ZBTB44: variants seen among roughly 807,000 people sequenced by gnomAD.
The protein encoded by ZBTB44 is zinc finger and BTB domain-containing protein 44.
Under a neutral mutation model 54.0 loss-of-function variants are expected in ZBTB44, and 15 were observed. The ratio of observed to expected loss-of-function variants is 0.28; its 90% CI spans 0.19 to 0.43. The LOEUF is 0.43. Ranked by LOEUF, ZBTB44 falls within the 20% of genes least tolerant of loss-of-function variation. The pLI is 1.00. For missense variants in ZBTB44, 487 were observed against 707.1 expected (o/e 0.69, Z 3.53); for synonymous variants, 230 against 250.1 (o/e 0.92, Z 0.76).
chr11:130,310,850 C>T (rs547128959), intron 1 of ZBTB44, among the ~76,000 whole-genome samples: 29 of 152,286 alleles, frequency 1.9e-4, no homozygotes, highest in African/African-American at 6.3e-4. Context: ...AATTCTCCTG[C>T]CTCAGCTTCC....
Position 130,227,098 on chromosome 11 carries a change from A to C in ZBTB44, c.*4666T>G, listed in dbSNP as rs1327801104. On this transcript the variant is annotated 3_prime_UTR_variant, in exon 8 of 8. Transcript: ENST00000357899. ...GTTGAAACGGCACTTAGTTTACAAA[A>C]AAGGTCACAAAAATATATATATATA... is the stretch of plus-strand genomic sequence containing the variant. 6.6e-6 allele frequency: 1 copy of C among 152,084 alleles called. No homozygotes were observed. The highest frequency in any genetic ancestry group is 2.4e-5 in the African/African-American group (1 of 41,338). The allele number at this position is 152,084 out of a possible 1,614,324, so 9.4% of individuals were successfully genotyped here.
chr11:130,255,923 A>C (rs976147621), intron 2 of ZBTB44, among the ~76,000 whole-genome samples: 1 of 121,472 alleles, frequency 8.2e-6, no homozygotes, highest in African/African-American at 3.0e-5. Context: ...AAAAAAAAAC[A>C]CCCCTTCATG....
chr11:130,260,278 A>T (rs764095589), intron 2 of ZBTB44, among the ~76,000 whole-genome samples: 1 of 152,170 alleles, frequency 6.6e-6, no homozygotes, highest in Non-Finnish European at 1.5e-5. Context: ...GTGTTTGCAT[A>T]TATGTTCTGT....
rs1389202621 is a variant in ZBTB44, at chr11:130,229,912, ATTT to A, written c.*1849_*1851del. 1 of 151,962 alleles carries A rather than the reference ATTT, an allele frequency of 6.6e-6. No homozygotes were observed. Among genetic ancestry groups the A allele is most frequent in the Non-Finnish European group, 1.5e-5 (1 of 67,948 alleles). 9.4% of individuals were successfully genotyped at this position (151,962 alleles called of 1,614,324 possible). ...CCCAGTTAGTATTAATATTTAGAAA[ATTT>A]TTAATTCTCATTCACTTGGATGTGT... On this transcript the variant is annotated 3_prime_UTR_variant, in exon 8 of 8. Coordinates refer to ENST00000357899, the MANE Select transcript of ZBTB44 (RefSeq NM_001301098.2).
chr11:130,298,085 T>C (rs1941762652), intron 1 of ZBTB44, among the ~76,000 whole-genome samples: 2 of 152,066 alleles, frequency 1.3e-5, no homozygotes, highest in African/African-American at 4.8e-5. Flanking sequence ...AAAAAATGTG[T>C]ATGCTTCAAA....
In ZBTB44 at chr11:130,239,881, C is replaced by G. The variant is rs200321016; in HGVS notation, c.1034G>C (p.Gly345Ala). The change falls in exon 3 of 8, where the codon GGC becomes GCC. Residue 345 changes from glycine (G) to alanine (A), a missense_variant. Coordinates refer to ENST00000357899, the MANE Select transcript of ZBTB44 (RefSeq NM_001301098.2). ...QSSSIGSVDE[G>A]VSEGLPTLQS... ...AAGTGTAGGCAAGCCCTCAGAAACG[C>G]CTTCATCTACTGAGCCTGTGAATAA... The G allele has an allele frequency of 4.6e-5, 74 of 1,611,082 alleles. No homozygotes were observed. In the East Asian group the frequency reaches 1.2e-3, roughly 27 times the overall value.
intron 1 of ZBTB44, among the ~76,000 whole-genome samples, chr11:130,272,294 A>C (rs1939730650): frequency 6.6e-6 from 1 of 152,086 alleles, no homozygotes; most frequent in Admixed American, 6.5e-5. Flanking sequence ...TTATGATTCA[A>C]CTTTGTTTCT....
At chr11:130,304,623 T>A (rs1378206422) in intron 1 of ZBTB44, among the ~76,000 whole-genome samples, 1 of 151,902 alleles carries the variant, frequency 6.6e-6, no homozygotes, top group African/African-American at 2.4e-5. Context: ...TTCTCTTTTT[T>A]AAAAAAAATA....
chr11:130,291,652 T>C (rs962048174), intron 1 of ZBTB44, among the ~76,000 whole-genome samples: 2 of 152,336 alleles, frequency 1.3e-5, no homozygotes, highest in East Asian at 1.9e-4. Context: ...GTGGTAGTTC[T>C]GTTGGGACTC....
chr11:130,283,720 C>A (rs1393773658), intron 1 of ZBTB44, among the ~76,000 whole-genome samples: 3 of 151,466 alleles, frequency 2.0e-5, no homozygotes, highest in African/African-American at 7.3e-5. Context: ...AATCCCAGCA[C>A]TTTGGGAGGC....
At chr11:130,295,446 GA>G (rs1389496083) in intron 1 of ZBTB44, among the ~76,000 whole-genome samples, 2 of 152,010 alleles carry the variant, frequency 1.3e-5, no homozygotes, top group Non-Finnish European at 2.9e-5. Context: ...AGCAAAAACT[GA>G]AAACAAAGAG....
In ZBTB44 at chr11:130,279,222, C is replaced by G. The variant is rs373749433; in HGVS notation, c.-56-17293G>C. 2.0e-5 allele frequency among the ~76,000 whole-genome samples: 3 copies of G among 151,100 alleles called. No homozygotes were observed. The East Asian group carries it at 5.9e-4, about 29-fold the overall frequency. ...CCACAGAGAGGTACATTTTTGGGTA[C>G]GCCCACAGTCACCCTGGACTTACAG... On this transcript the variant is annotated intron_variant, in intron 1 of 7. Coordinates refer to ENST00000357899, the MANE Select transcript of ZBTB44 (RefSeq NM_001301098.2).
intron 1 of ZBTB44, among the ~76,000 whole-genome samples, chr11:130,297,917 A>AT (rs754193972): frequency 2.6e-5 from 4 of 152,304 alleles, no homozygotes; most frequent in Non-Finnish European, 5.9e-5. Flanking sequence ...TCTCAAATAT[A>AT]TGTTTTTTAT....
intron 1 of ZBTB44, among the ~76,000 whole-genome samples, chr11:130,278,731 G>A (rs1314472023): frequency 6.6e-6 from 1 of 152,028 alleles, no homozygotes; most frequent in African/African-American, 2.4e-5. Flanking sequence ...TGAATTTTCG[G>A]TTAATTATTT....
chr11:130,231,251 T>C lies in ZBTB44; in HGVS notation c.*513A>G, dbSNP rs907782095. The C allele has an allele frequency of 3.9e-5, 6 of 152,100 alleles. No individual in the cohort carries two copies. Among genetic ancestry groups the C allele is most frequent in the Non-Finnish European group, 5.9e-5 (4 of 67,984 alleles). The allele number at this position is 152,100 out of a possible 1,614,324, so 9.4% of individuals were successfully genotyped here. A position where few individuals can be genotyped will look rare whatever the true frequency, so the allele number is the denominator to read the frequency against. On this transcript the variant is annotated 3_prime_UTR_variant, in exon 8 of 8. Transcript: ENST00000357899. ...AAATCTGTTTCCTAAAACAGATCCA[T>C]AAACAGATCCAATATCCTTAAAGTA...
At chr11:130,252,054 A>T (rs531689468) in intron 2 of ZBTB44, among the ~76,000 whole-genome samples, 1 of 152,250 alleles carries the variant, frequency 6.6e-6, no homozygotes, top group African/African-American at 2.4e-5. Context: ...ACACACATAG[A>T]CTCAAAATAA....
At chr11:130,276,869 T>C (rs1300030475) in intron 1 of ZBTB44, among the ~76,000 whole-genome samples, 8 of 152,248 alleles carry the variant, frequency 5.3e-5, no homozygotes, top group Non-Finnish European at 1.2e-4. Flanking sequence ...TACAGCTTCC[T>C]GATGAAATGA....
At chr11:130,299,535 A>G (rs985276740) in intron 1 of ZBTB44, among the ~76,000 whole-genome samples, 60 of 151,688 alleles carry the variant, frequency 4.0e-4, no homozygotes, top group African/African-American at 1.5e-3. Context: ...CCTGGGTGAC[A>G]GAGCGAGACT....
intron 1 of ZBTB44, among the ~76,000 whole-genome samples, chr11:130,279,569 G>GAATCGCTC (rs1269636902): frequency 6.6e-6 from 1 of 152,150 alleles, no homozygotes; most frequent in African/African-American, 2.4e-5. Flanking sequence ...TGAGGCAGGA[G>GAATCGCTC]AATCGCTCGA....
Sources: allele counts gnomAD v4.1 joint callset (sites outside exome capture counted in the v4.1 genomes callset), GRCh38; gene constraint gnomAD v4.1.1; transcripts MANE v1.5; gene names NCBI Gene and HGNC (gene_info 2026-07-23, HGNC 2026-07-21).